MORC3: variants seen among roughly 807,000 people sequenced by gnomAD.
MORC3 encodes the protein MORC family CW-type zinc finger 3.
Under a neutral mutation model 109.1 loss-of-function variants are expected in MORC3, and 31 were observed. The ratio of observed to expected loss-of-function variants is 0.28; its 90% CI spans 0.21 to 0.38. MORC3 has a LOEUF of 0.38. Ranked by LOEUF, MORC3 falls within the 10% of genes least tolerant of loss-of-function variation. The pLI is 1.00. For synonymous variants in MORC3, 395 were observed against 380.7 expected, an observed-to-expected ratio of 1.04 and a Z score of -0.44; for missense variants, 867 against 1,135.8, an observed-to-expected ratio of 0.76 and a Z score of 3.40.
At chr21:36,338,080 A>G in intron 4 of MORC3, 134 bp downstream of exon 4, 1 of 862,938 alleles carries the variant, frequency 1.2e-6, no homozygotes, top group Non-Finnish European at 1.8e-6. Flanking sequence ...TGTCCTCTGC[A>G]TTTACCCTAC....
At chr21:36,354,268 C>T (rs576710150) in intron 9 of MORC3, among the ~76,000 whole-genome samples, 17 of 151,580 alleles carry the variant, frequency 1.1e-4, no homozygotes, top group African/African-American at 3.6e-4. Flanking sequence ...AATTTTTATA[C>T]ACTGTAATTT....
intron 9 of MORC3, among the ~76,000 whole-genome samples, chr21:36,356,276 TG>T (rs1443623088): frequency 7.2e-5 from 11 of 152,202 alleles, no homozygotes; most frequent in African/African-American, 2.7e-4. Context: ...GTATATTTTA[TG>T]GTAGTAAATT....
chr21:36,362,356 A>G, intron 13 of MORC3, 128 bp downstream of exon 13: 10 of 976,002 alleles, frequency 1.0e-5, no homozygotes, highest in Non-Finnish European at 1.5e-5. Flanking sequence ...CAGCCTGGCC[A>G]ACATGGTGAA....
At position 36,375,487 on chromosome 21, in the gene MORC3, A is replaced by G; in HGVS notation, c.*191A>G. The G allele has an allele frequency of 2.0e-6, 1 of 495,626 alleles. No individual in the cohort carries two copies. Among genetic ancestry groups the G allele is most frequent in the South Asian group, 2.7e-5 (1 of 36,976 alleles). The allele number at this position is 495,626 out of a possible 1,614,324, so 30.7% of individuals were successfully genotyped here. ...ATCTTATGTTTTGAAATACCTGTGA[A>G]TTGTTGGCATTGAGCAGCTGAAGCT... is the stretch of plus-strand genomic sequence containing the variant. On this transcript the variant is annotated 3_prime_UTR_variant, in exon 17 of 17. Coordinates refer to ENST00000400485, the MANE Select transcript of MORC3 (RefSeq NM_015358.3).
intron 16 of MORC3, 49 bp from the exon 17 acceptor site, chr21:36,375,094 A>G (rs769902446): frequency 8.4e-6 from 13 of 1,540,552 alleles, no homozygotes; most frequent in African/African-American, 1.4e-5. Flanking sequence ...GTCTACATGA[A>G]TCTTAACTTG....
At chr21:36,343,935 T>C (rs572350891) in intron 6 of MORC3, among the ~76,000 whole-genome samples, 2 of 152,212 alleles carry the variant, frequency 1.3e-5, no homozygotes, top group Non-Finnish European at 2.9e-5. Flanking sequence ...TGTTCCTTGA[T>C]GTATCCTAAT....
At chr21:36,374,083 AATTATT>A (rs529030109) in intron 16 of MORC3, among the ~76,000 whole-genome samples, 90 of 151,994 alleles carry the variant, frequency 5.9e-4, no homozygotes, top group African/African-American at 1.8e-3. Flanking sequence ...GCAGTCCTAC[AATTATT>A]ATTATTATTA....
chr21:36,366,016 T>G (rs974451888), intron 14 of MORC3, among the ~76,000 whole-genome samples: 1 of 152,190 alleles, frequency 6.6e-6, no homozygotes, highest in Non-Finnish European at 1.5e-5. Context: ...AGTTTATAGA[T>G]AAGAGATTAA....
At chr21:36,370,739 G>A (rs926134638) in intron 15 of MORC3, among the ~76,000 whole-genome samples, 2 of 140,798 alleles carry the variant, frequency 1.4e-5, no homozygotes, top group African/African-American at 5.4e-5. Flanking sequence ...GCCCAATCTC[G>A]GCTCACTGCA....
intron 12 of MORC3, chr21:36,361,888 A>G (rs2085721009): frequency 2.7e-6 from 1 of 365,026 alleles, no homozygotes; most frequent in Non-Finnish European, 5.0e-6. Context: ...CAAAAGAAAA[A>G]ACCTATGTGA....
intron 10 of MORC3, 115 bp from the exon 11 acceptor site, chr21:36,359,840 T>G: frequency 6.9e-7 from 1 of 1,454,744 alleles, no homozygotes; most frequent in Non-Finnish European, 9.5e-7. Context: ...TACGTCATAA[T>G]TTTTAGGAAA....
intron 11 of MORC3, 22 bp from the exon 12 acceptor site, chr21:36,360,162 C>T (rs777570255): frequency 6.2e-7 from 1 of 1,613,770 alleles, no homozygotes; most frequent in East Asian, 2.2e-5. Context: ...ACATGTTATT[C>T]CTATGTGATT....
chr21:36,338,869 G>C lies in MORC3; in HGVS notation c.556G>C (p.Asp186His). 6.2e-7 allele frequency: 1 copy of C among 1,614,114 alleles called. No individual in the cohort carries two copies. The highest frequency in any genetic ancestry group is 1.1e-5 in the South Asian group (1 of 91,082). Reference sequence around the variant, plus strand: ...GGAACAGAAGTTACTGGCAGAACTTGATGCTATTATAGGCAAGAAGGGGAC... The same window carrying C: ...GGAACAGAAGTTACTGGCAGAACTTCATGCTATTATAGGCAAGAAGGGGAC... ...STEQKLLAEL[D>H]AIIGKKGTRI... Residue 186 changes from aspartate to histidine, a missense_variant, in exon 5 of 17, where the codon GAT (aspartate) becomes CAT (histidine). Physicochemically the swap from Asp to His is moderately conservative, Grantham distance 81. Coordinates refer to ENST00000400485, the MANE Select transcript of MORC3 (RefSeq NM_015358.3).
intron 1 of MORC3, among the ~76,000 whole-genome samples, chr21:36,330,322 T>C (rs1019081087): frequency 6.6e-6 from 1 of 152,246 alleles, no homozygotes; most frequent in African/African-American, 2.4e-5. Context: ...AGTAAAACTT[T>C]GGTCTCCACA....
intron 8 of MORC3, 92 bp from the exon 9 acceptor site, chr21:36,349,219 T>C (rs1239909475): frequency 3.8e-6 from 3 of 796,240 alleles, no homozygotes; most frequent in Non-Finnish European, 6.0e-6. Context: ...AGATAAAATA[T>C]AGAAAAATAT....
In MORC3 at chr21:36,341,550, T is replaced by C. The variant is rs2085446056; in HGVS notation, c.756+4T>C. 1 of 1,613,846 alleles carries C rather than the reference T, an allele frequency of 6.2e-7. No homozygotes were observed. The highest frequency in any genetic ancestry group is 2.2e-5 in the East Asian group (1 of 44,874). ...TGAGAGTGACTATTCCCTGAGGGTA[T>C]GTATTCAGCTCTCTTTGTGGAAGTG... On this transcript the variant is annotated splice_donor_region_variant and intron_variant, in intron 6 of 16. Transcript: ENST00000400485.
Position 36,339,070 on chromosome 21 carries a change from T to G in MORC3, c.608+149T>G, listed in dbSNP as rs1336709785. The G allele has an allele frequency of 3.2e-6, 3 of 947,596 alleles. No homozygotes were observed. In the African/African-American group the frequency reaches 5.0e-5, roughly 16 times the overall value. The allele number at this position is 947,596 out of a possible 1,614,324, so 58.7% of individuals were successfully genotyped here. Reference sequence around the variant, plus strand: ...GTTACTGATTTGTCTTTGCCCAGGATATGTTATAGAGGCCATTTCAGCTTC... The same window carrying G: ...GTTACTGATTTGTCTTTGCCCAGGAGATGTTATAGAGGCCATTTCAGCTTC... On this transcript the variant is annotated intron_variant, in intron 5 of 16. Transcript: ENST00000400485.
In MORC3 at chr21:36,326,211, C is replaced by CA. The variant is rs1311418574; in HGVS notation, c.39+5916dup. 3.3e-5 allele frequency among the ~76,000 whole-genome samples: 5 copies of CA among 149,804 alleles called. No homozygotes were observed. The East Asian group carries it at 6.0e-4, about 18-fold the overall frequency. On this transcript the variant is annotated intron_variant, in intron 1 of 16. Coordinates refer to ENST00000400485, the MANE Select transcript of MORC3 (RefSeq NM_015358.3). ...AACAAGAGTGAAACTTATTCTCAAA[C>CA]AAAAAAAATAGAATAAATTATTGTT...
chr21:36,320,287 G>A lies in MORC3; in HGVS notation c.23G>A (p.Gly8Glu), dbSNP rs777346347. 58 of 1,578,162 alleles carry A rather than the reference G, an allele frequency of 3.7e-5. No homozygotes were observed. Among genetic ancestry groups the A allele is most frequent in the Admixed American group, 1.8e-4 (10 of 54,646 alleles). The change falls in exon 1 of 17, where the codon GGG (glycine) becomes GAG (glutamate). Residue 8 changes from glycine (G) to glutamate (E), a missense_variant. Transcript: ENST00000400485. MAAQPPR[G>E]IRLSALCPKF... Reference sequence around the variant, plus strand: ...AAGATGGCGGCGCAGCCACCCCGCGGGATACGCCTCAGCGCGGTGAGCAGC... The same window carrying A: ...AAGATGGCGGCGCAGCCACCCCGCGAGATACGCCTCAGCGCGGTGAGCAGC...
Sources: allele counts gnomAD v4.1 joint callset (sites outside exome capture counted in the v4.1 genomes callset), GRCh38; gene constraint gnomAD v4.1.1; transcripts MANE v1.5; gene names NCBI Gene and HGNC (gene_info 2026-07-23, HGNC 2026-07-21).